RGSL1: variants seen among roughly 807,000 people sequenced by gnomAD.
RGSL1 encodes regulator of G protein signaling protein-like.
In RGSL1, 97 loss-of-function variants were observed where a neutral mutation model predicts 124.7. That is an observed-to-expected ratio of 0.78 (90% CI 0.66 to 0.92). The LOEUF is 0.92. Among genes scored for constraint, RGSL1 ranks in the 40% least tolerant of loss-of-function variants. RGSL1 has a pLI of 0.00. For synonymous variants in RGSL1, 424 were observed against 438.1 expected, an observed-to-expected ratio of 0.97 and a Z score of 0.40; for missense variants, 1,233 against 1,288.4, an observed-to-expected ratio of 0.96 and a Z score of 0.66.
In RGSL1 at chr1:182,556,193, C is replaced by A; in HGVS notation, c.*136C>A. 1.2e-6 allele frequency: 1 copy of A among 818,348 alleles called. No homozygotes were observed. Among genetic ancestry groups the A allele is most frequent in the African/African-American group, 1.7e-5 (1 of 57,736 alleles). 50.7% of individuals were successfully genotyped at this position (818,348 alleles called of 1,614,324 possible). On this transcript the variant is annotated 3_prime_UTR_variant, in exon 21 of 22. Coordinates refer to ENST00000294854, the MANE Select transcript of RGSL1 (RefSeq NM_001137669.2). ...ATCAAGAAGGGCAATGGGTTGACAG[C>A]CCAGATATGGCAGGACCAGACTGCA...
At chr1:182,458,297 G>A (rs1652518326) in intron 2 of RGSL1, 22 bp from the exon 3 acceptor site, 2 of 1,544,384 alleles carry the variant, frequency 1.3e-6, no homozygotes, top group East Asian at 2.4e-5. Flanking sequence ...TCCCTTGACT[G>A]TTTCCTAGCT....
chr1:182,483,203 T>G (rs946086399), intron 6 of RGSL1, among the ~76,000 whole-genome samples: 41 of 152,184 alleles, frequency 2.7e-4, no homozygotes, highest in African/African-American at 9.4e-4. Flanking sequence ...CGATTCTATA[T>G]TGTATACTTA....
intron 8 of RGSL1, among the ~76,000 whole-genome samples, chr1:182,490,667 G>A (rs1655450148): frequency 6.6e-6 from 1 of 152,160 alleles, no homozygotes; most frequent in Admixed American, 6.5e-5. Context: ...TTGGGCAATA[G>A]GCGTTACTTT....
intron 10 of RGSL1, among the ~76,000 whole-genome samples, chr1:182,526,405 T>A (rs1303564662): frequency 6.6e-6 from 1 of 152,146 alleles, no homozygotes; most frequent in Non-Finnish European, 1.5e-5. Flanking sequence ...TGGTGGCTCA[T>A]GCCTACAATC....
intron 6 of RGSL1, among the ~76,000 whole-genome samples, chr1:182,474,999 C>CA (rs1282528006): frequency 1.3e-5 from 2 of 152,070 alleles, no homozygotes; most frequent in Non-Finnish European, 2.9e-5. Flanking sequence ...GTCCCTGTGC[C>CA]AAAAAGGTTG....
In RGSL1 at chr1:182,488,285, A is replaced by G. The variant is rs965484149; in HGVS notation, c.1432A>G (p.Met478Val). The stretch of plus-strand genomic sequence containing the variant: ...TGCATATGCTGTGTTTGGTTTTCAG[A>G]TGCTCAGTCCCTGGTATGATGAGTT... ...IPKAQKEICK[M>V]LSPWYDEFLD... The change falls in exon 7 of 22, where the codon ATG becomes GTG. Residue 478 changes from methionine (M) to valine (V), a missense_variant and splice_region_variant. Coordinates refer to ENST00000294854, the MANE Select transcript of RGSL1 (RefSeq NM_001137669.2). 1.3e-6 allele frequency: 2 copies of G among 1,552,090 alleles called. No individual in the cohort carries two copies. Among genetic ancestry groups the G allele is most frequent in the African/African-American group, 2.7e-5 (2 of 73,040 alleles).
chr1:182,549,652 A>G (rs1365142929), intron 17 of RGSL1: 1 of 152,214 alleles, frequency 6.6e-6, no homozygotes, highest in East Asian at 1.9e-4. Flanking sequence ...CACTTAGATT[A>G]TCATGTGACT....
chr1:182,456,264 T>C (rs1442062221), intron 2 of RGSL1, among the ~76,000 whole-genome samples: 1 of 152,036 alleles, frequency 6.6e-6, no homozygotes, highest in Non-Finnish European at 1.5e-5. Context: ...TACTATTGTC[T>C]CTGCCACTGT....
At chr1:182,467,465 A>G (rs902423997) in intron 4 of RGSL1, among the ~76,000 whole-genome samples, 16 of 152,326 alleles carry the variant, frequency 1.1e-4, no homozygotes, top group South Asian at 4.1e-4. Flanking sequence ...ATAATGCCAC[A>G]TATCTACAAC....
chr1:182,459,960 C>A, intron 3 of RGSL1, 44 bp from the exon 4 acceptor site: 1 of 1,535,120 alleles, frequency 6.5e-7, no homozygotes, highest in Non-Finnish European at 8.8e-7. Context: ...TTTAGCAGTT[C>A]GGTTTCACTT....
intron 9 of RGSL1, among the ~76,000 whole-genome samples, chr1:182,518,344 A>G (rs1658056237): frequency 6.6e-6 from 1 of 152,214 alleles, no homozygotes; most frequent in African/African-American, 2.4e-5. Context: ...TGCTCTTCCC[A>G]AACGGAGGGG....
Position 182,548,727 on chromosome 1 carries a change from G to T in RGSL1, c.2836G>T (p.Ala946Ser). Residue 946 changes from alanine to serine, a missense_variant, in exon 17 of 22, where the codon GCC becomes TCC. Coordinates refer to ENST00000294854, the MANE Select transcript of RGSL1 (RefSeq NM_001137669.2). Reference sequence around the variant, plus strand: ...GAATGTCCCTGAGTTCCAGAAGGATGCCATCCTTGCTGCCATCACAGAGGG... The same window carrying T: ...GAATGTCCCTGAGTTCCAGAAGGATTCCATCCTTGCTGCCATCACAGAGGG... ...RVNVPEFQKD[A>S]ILAAITEGYL... 1 of 1,551,630 alleles carries T rather than the reference G, an allele frequency of 6.4e-7. No individual in the cohort carries two copies. Among genetic ancestry groups the T allele is most frequent in the Non-Finnish European group, 8.7e-7 (1 of 1,146,980 alleles).
chr1:182,478,747 A>G (rs866952797), intron 6 of RGSL1, among the ~76,000 whole-genome samples: 2 of 152,206 alleles, frequency 1.3e-5, no homozygotes, highest in African/African-American at 2.4e-5. Flanking sequence ...AAACTCAAAG[A>G]TCTCCAAATA....
intron 6 of RGSL1, among the ~76,000 whole-genome samples, chr1:182,480,577 T>C (rs2102062218): frequency 6.6e-6 from 1 of 151,798 alleles, no homozygotes; most frequent in African/African-American, 2.4e-5. Context: ...TACCTTAGCC[T>C]CCTGAGTAGC....
chr1:182,509,847 T>G (rs1442685907), intron 9 of RGSL1, among the ~76,000 whole-genome samples: 2 of 125,422 alleles, frequency 1.6e-5, no homozygotes, highest in African/African-American at 6.3e-5. Context: ...CCGGACGGGG[T>G]GGCTGCCGGG....
intron 11 of RGSL1, among the ~76,000 whole-genome samples, chr1:182,528,068 G>A (rs555832440): frequency 1.3e-5 from 2 of 152,224 alleles, no homozygotes; most frequent in South Asian, 2.1e-4. Context: ...ACATGGCTGG[G>A]GAGGCCTCAG....
chr1:182,471,874 T>C (rs905369207), intron 4 of RGSL1, among the ~76,000 whole-genome samples: 1 of 152,154 alleles, frequency 6.6e-6, no homozygotes, highest in Non-Finnish European at 1.5e-5. Flanking sequence ...GCCTTAGCCC[T>C]AATTTTAAGG....
chr1:182,559,005 G>A (rs760795327), intron 21 of RGSL1, among the ~76,000 whole-genome samples: 2 of 152,088 alleles, frequency 1.3e-5, no homozygotes, highest in Non-Finnish European at 2.9e-5. Context: ...GCACAATCTG[G>A]GCCTCTGATG....
rs745703374 is a variant in RGSL1 at position 182,556,016 on chromosome 1, C to G, written c.3198-8C>G. On this transcript the variant is annotated splice_polypyrimidine_tract_variant and splice_region_variant and intron_variant, in intron 20 of 21. Transcript: ENST00000294854. Reference sequence around the variant, plus strand: ...ATTGTGATAACTGGCTGTTTTCTCTCCCTTCAGACAAAAATTATCCTACAT... The same window carrying G: ...ATTGTGATAACTGGCTGTTTTCTCTGCCTTCAGACAAAAATTATCCTACAT... 3.1e-5 allele frequency: 48 copies of G among 1,550,780 alleles called. No individual in the cohort carries two copies. The highest frequency in any genetic ancestry group is 4.1e-5 in the Non-Finnish European group (47 of 1,146,310).
Sources: gnomAD v4.1 joint callset for allele counts (sites outside exome capture counted in the v4.1 genomes callset) on GRCh38, gnomAD v4.1.1 for gene constraint, MANE v1.5 for transcripts, NCBI Gene and HGNC (gene_info 2026-07-23, HGNC 2026-07-21) for gene names.